NRXN3: variants seen among roughly 807,000 people sequenced by gnomAD.
NRXN3 encodes the protein neurexin 3.
Under a neutral mutation model 137.6 loss-of-function variants are expected in NRXN3, and 32 were observed. That is an observed-to-expected ratio of 0.23 (90% CI 0.18 to 0.31). The LOEUF (loss-of-function observed/expected upper bound fraction) is 0.31. Among genes scored for constraint, NRXN3 ranks in the 10% least tolerant of loss-of-function variants. The probability of loss-of-function intolerance (pLI) is 1.00; values close to 1 mark genes in which losing one functional copy is unlikely to be tolerated. For missense variants in NRXN3, 1,574 were observed against 2,062.5 expected (o/e 0.76, Z 4.59); for synonymous variants, 798 against 784.5 (o/e 1.02, Z -0.29).
At chr14:79,527,516 A>C (rs1007461520) in intron 16 of NRXN3, among the ~76,000 whole-genome samples, 1 of 152,040 alleles carries the variant, frequency 6.6e-6, no homozygotes, top group African/African-American at 2.4e-5. Flanking sequence ...TTATATAGGG[A>C]AAGTAAATAA....
At chr14:79,473,988 T>C (rs971178906) in intron 16 of NRXN3, among the ~76,000 whole-genome samples, 24 of 152,294 alleles carry the variant, frequency 1.6e-4, no homozygotes, top group African/African-American at 5.5e-4. Context: ...GGTGTGTGTT[T>C]TCTCAGATCT....
At chr14:78,435,096 G>T (rs575654884) in intron 4 of NRXN3, among the ~76,000 whole-genome samples, 1 of 152,210 alleles carries the variant, frequency 6.6e-6, no homozygotes, top group Non-Finnish European at 1.5e-5. Context: ...AAAGAGACTT[G>T]TGTGCAATCT....
chr14:79,385,510 G>A (rs1470800408), intron 15 of NRXN3, among the ~76,000 whole-genome samples: 1 of 152,012 alleles, frequency 6.6e-6, no homozygotes, highest in Non-Finnish European at 1.5e-5. Flanking sequence ...TTTTTGTTAA[G>A]TGGCTAATGC....
At chr14:79,654,828 T>G (rs1280571264) in intron 16 of NRXN3, among the ~76,000 whole-genome samples, 1 of 152,216 alleles carries the variant, frequency 6.6e-6, no homozygotes, top group Non-Finnish European at 1.5e-5. Context: ...GAGTTCTTGG[T>G]TGGTGTTTAT....
At chr14:78,965,035 T>G (rs1483801882) in intron 11 of NRXN3, among the ~76,000 whole-genome samples, 1 of 152,124 alleles carries the variant, frequency 6.6e-6, no homozygotes, top group Non-Finnish European at 1.5e-5. Context: ...TTCTCTTCAT[T>G]TGGTAATTGT....
At chr14:79,225,984 A>G (rs1347340202) in intron 15 of NRXN3, among the ~76,000 whole-genome samples, 1 of 152,136 alleles carries the variant, frequency 6.6e-6, no homozygotes, top group Non-Finnish European at 1.5e-5. Context: ...CACCCAGATA[A>G]TCCAGGATTA....
rs549248446 is a variant in NRXN3, at chr14:78,926,125, A to G, written c.2276-31117A>G. Among the ~76,000 whole-genome samples the G allele has an allele frequency of 3.8e-4, 58 of 152,248 alleles. 1 individual carries two copies. Among genetic ancestry groups the G allele is most frequent in the African/African-American group, 1.4e-3 (57 of 41,556 alleles). Reference sequence around the variant, plus strand: ...AAATGAAGTGTTCTTTTTAATAGGTACAGTAGTTCCCACCTATTCATGAGA... The same window carrying G: ...AAATGAAGTGTTCTTTTTAATAGGTGCAGTAGTTCCCACCTATTCATGAGA... On this transcript the variant is annotated intron_variant, in intron 10 of 20. Coordinates refer to ENST00000335750, the MANE Select transcript of NRXN3 (RefSeq NM_001330195.2).
At chr14:79,385,146 G>T (rs1009531920) in intron 15 of NRXN3, among the ~76,000 whole-genome samples, 1 of 150,176 alleles carries the variant, frequency 6.7e-6, no homozygotes, top group Non-Finnish European at 1.5e-5. Flanking sequence ...TGCCATGCTG[G>T]TGTGCTGCAC....
intron 15 of NRXN3, among the ~76,000 whole-genome samples, chr14:79,385,212 C>CT (rs1210921509): frequency 2.6e-5 from 3 of 113,888 alleles, no homozygotes; most frequent in Non-Finnish European, 5.7e-5. Flanking sequence ...CTTCCCCCCG[C>CT]CCCCACCCCA....
chr14:78,725,548 G>A (rs2098479132), intron 8 of NRXN3, among the ~76,000 whole-genome samples: 2 of 152,218 alleles, frequency 1.3e-5, no homozygotes, highest in African/African-American at 2.4e-5. Flanking sequence ...AGCATCTTCA[G>A]CCACTATAAG....
intron 16 of NRXN3, among the ~76,000 whole-genome samples, chr14:79,523,235 C>T (rs916321636): frequency 1.3e-5 from 2 of 152,064 alleles, no homozygotes; most frequent in Non-Finnish European, 2.9e-5. Flanking sequence ...TCTTAAAACC[C>T]CAAATGCAGC....
chr14:78,686,516 G>C (rs1156296946), intron 6 of NRXN3, among the ~76,000 whole-genome samples: 1 of 152,216 alleles, frequency 6.6e-6, no homozygotes, highest in Non-Finnish European at 1.5e-5. Context: ...TGGTGAGAGA[G>C]AATAAGAGTG....
rs1434392131 is a variant in NRXN3, at chr14:78,968,285, C to G, written c.3081C>G (p.Arg1027=). ...GCLASVDLNG[R]LPDLINDALH... is the part of the protein sequence containing the mutation. ...TAGCATCAGTGGACTTGAATGGACG[C>G]CTGCCAGACCTCATCAATGATGCTC... The change falls in exon 14 of 21, where the codon CGC becomes CGG. Residue 1027 remains arginine, a synonymous_variant. Coordinates refer to ENST00000335750, the MANE Select transcript of NRXN3 (RefSeq NM_001330195.2). 1 of 1,613,938 alleles carries G rather than the reference C, an allele frequency of 6.2e-7. No individual in the cohort carries two copies. The highest frequency in any genetic ancestry group is 2.2e-5 in the East Asian group (1 of 44,878).
chr14:79,053,949 C>T (rs1191780868), intron 15 of NRXN3, among the ~76,000 whole-genome samples: 2 of 151,888 alleles, frequency 1.3e-5, no homozygotes, highest in East Asian at 3.9e-4. Flanking sequence ...TAAAAAGATT[C>T]CTCTTGCAGC....
chr14:79,414,064 A>C (rs1181088135), intron 15 of NRXN3, among the ~76,000 whole-genome samples: 1 of 152,016 alleles, frequency 6.6e-6, no homozygotes, highest in African/African-American at 2.4e-5. Flanking sequence ...TATTTTTTGA[A>C]ATAACCTGGA....
In NRXN3 at chr14:79,502,917, G is replaced by T. The variant is rs142218441; in HGVS notation, c.3444+35515G>T. Reference sequence around the variant, plus strand: ...TGGCATCAAAGAATGAATCAGATGGGAGCAGCTAAGTAAACTGAATGAAGC... The same window carrying T: ...TGGCATCAAAGAATGAATCAGATGGTAGCAGCTAAGTAAACTGAATGAAGC... On this transcript the variant is annotated intron_variant, in intron 16 of 20. Transcript: ENST00000335750. 2.7e-3 allele frequency among the ~76,000 whole-genome samples: 410 copies of T among 152,088 alleles called. 1 individual carries two copies. Among genetic ancestry groups the T allele is most frequent in the African/African-American group, 9.4e-3 (390 of 41,480 alleles).
chr14:78,445,627 A>C (rs1598765639), intron 4 of NRXN3, among the ~76,000 whole-genome samples: 1 of 152,262 alleles, frequency 6.6e-6, no homozygotes, highest in East Asian at 1.9e-4. Context: ...GCATTTACCA[A>C]GTTCTAGTGT....
chr14:78,644,135 G>GAAAAAAAAAAAAAAAAAA (rs111868453), intron 4 of NRXN3, among the ~76,000 whole-genome samples: 1 of 42,146 alleles, frequency 2.4e-5, no homozygotes, highest in Admixed American at 2.6e-4. Flanking sequence ...GCAAGACTCA[G>GAAAAAAAAAAAAAAAAAA]AAAAAAAAAA....
At chr14:79,358,713 C>CA (rs2093574593) in intron 15 of NRXN3, among the ~76,000 whole-genome samples, 1 of 151,636 alleles carries the variant, frequency 6.6e-6, no homozygotes, top group Non-Finnish European at 1.5e-5. Flanking sequence ...TGTTTGGTGT[C>CA]AGAGTGTTTC....
Sources: allele counts gnomAD v4.1 joint callset (sites outside exome capture counted in the v4.1 genomes callset), GRCh38; gene constraint gnomAD v4.1.1; transcripts MANE v1.5; gene names NCBI Gene and HGNC (gene_info 2026-07-23, HGNC 2026-07-21).